The following C21orf91 variants were observed in gnomAD, a reference collection of about 807,000 sequenced individuals.
C21orf91 encodes the protein chromosome 21 open reading frame 91, also known as protein EURL homolog.
C21orf91 carries 26 observed loss-of-function variants against 32.9 expected under a neutral mutation model. The observed-to-expected ratio is 0.79, with a 90% CI of 0.58 to 1.10. C21orf91 has a LOEUF of 1.10. C21orf91 is among the 50% of genes least tolerant of loss of function. C21orf91 has a pLI of 0.00. For missense variants in C21orf91, 310 were observed against 341.3 expected (o/e 0.91, Z 0.72); for synonymous variants, 126 against 120.4 (o/e 1.05, Z -0.31).
rs532235841 is a variant in C21orf91, at chr21:17,803,611, C to T, written c.128-6493G>A. 2.6e-5 allele frequency among the ~76,000 whole-genome samples: 4 copies of T among 152,218 alleles called. No homozygotes were observed. The South Asian group carries it at 8.3e-4, about 32-fold the overall frequency. On this transcript the variant is annotated intron_variant, in intron 2 of 4. Transcript: ENST00000284881. ...AAGGTGTTTTTCTTTTTGTGATGAT[C>T]TTATCTTGGATGCTAAGAAACGGGG... is the stretch of plus-strand genomic sequence containing the variant.
intron 2 of C21orf91, among the ~76,000 whole-genome samples, chr21:17,803,077 T>C (rs76258208): frequency 3.3e-5 from 5 of 152,206 alleles, no homozygotes; most frequent in African/African-American, 1.2e-4. Flanking sequence ...ATGGGTTTGC[T>C]AAATGGTGGG....
chr21:17,794,054 G>A (rs964161629), intron 4 of C21orf91, among the ~76,000 whole-genome samples: 4 of 152,100 alleles, frequency 2.6e-5, no homozygotes, highest in Admixed American at 1.3e-4. Context: ...CCTTTTCTGT[G>A]TAACATTAAT....
At chr21:17,800,273 C>A (rs1019789675) in intron 2 of C21orf91, among the ~76,000 whole-genome samples, 2 of 152,084 alleles carry the variant, frequency 1.3e-5, no homozygotes, top group Non-Finnish European at 2.9e-5. Context: ...CAATTAGAAA[C>A]ATTTGTTTTA....
At position 17,796,578 on chromosome 21, in the gene C21orf91, T is replaced by A; in HGVS notation, c.664+4A>T. 1 of 1,593,756 alleles carries A rather than the reference T, an allele frequency of 6.3e-7. No individual in the cohort carries two copies. The highest frequency in any genetic ancestry group is 1.7e-4 in the Middle Eastern group (1 of 5,936). The stretch of plus-strand genomic sequence containing the variant: ...ACTTTTACTTTTCTCCCCATTTTAC[T>A]TACATTCCTCTCTGCTGTAATGTGG... On this transcript the variant is annotated splice_donor_region_variant and intron_variant, in intron 3 of 4. Coordinates refer to ENST00000284881, the MANE Select transcript of C21orf91 (RefSeq NM_001100420.2).
chr21:17,791,262 CAA>C lies in C21orf91; in HGVS notation c.*2151_*2152del, dbSNP rs1030396095. 2.6e-5 allele frequency: 4 copies of C among 152,036 alleles called. No individual in the cohort carries two copies. Among genetic ancestry groups the C allele is most frequent in the African/African-American group, 9.7e-5 (4 of 41,416 alleles). 9.4% of individuals were successfully genotyped at this position (152,036 alleles called of 1,614,324 possible). A position where few individuals can be genotyped will look rare whatever the true frequency, so the allele number is the denominator to read the frequency against. On this transcript the variant is annotated 3_prime_UTR_variant, in exon 5 of 5. Transcript: ENST00000284881. The stretch of plus-strand genomic sequence containing the variant: ...TAAAGTAGTGTGAGTACCAGCACCA[CAA>C]AGTTTTTTTTAAGAGCACCTCTCCT...
At chr21:17,800,987 T>G (rs541204765) in intron 2 of C21orf91, among the ~76,000 whole-genome samples, 1 of 152,256 alleles carries the variant, frequency 6.6e-6, no homozygotes, top group Non-Finnish European at 1.5e-5. Context: ...TGGAAGACAG[T>G]GTTGTGACTC....
chr21:17,796,509 C>G lies in C21orf91; in HGVS notation c.664+73G>C, dbSNP rs1433222362. 6 of 1,104,936 alleles carry G rather than the reference C, an allele frequency of 5.4e-6. No homozygotes were observed. In the Admixed American group the frequency reaches 1.1e-4, roughly 20 times the overall value. 68.4% of individuals were successfully genotyped at this position (1,104,936 alleles called of 1,614,324 possible). ...ATGATTCCACAGCAAAATTCTTGAC[C>G]CATTACACATCTATACAAATGTACA... On this transcript the variant is annotated intron_variant, in intron 3 of 4. Coordinates refer to ENST00000284881, the MANE Select transcript of C21orf91 (RefSeq NM_001100420.2).
chr21:17,808,668 A>G (rs2062613989), intron 2 of C21orf91, among the ~76,000 whole-genome samples: 1 of 152,230 alleles, frequency 6.6e-6, no homozygotes, highest in South Asian at 2.1e-4. Context: ...ATAGACAGAA[A>G]GGACTTGCTG....
At chr21:17,819,034 G>C (rs1050350156) in intron 1 of C21orf91, 2 of 152,232 alleles carry the variant, frequency 1.3e-5, no homozygotes, top group Non-Finnish European at 2.9e-5. Context: ...CTCCCAGAGG[G>C]AAGAAAGCGT....
chr21:17,811,390 A>T (rs2062631530), intron 2 of C21orf91: 1 of 152,238 alleles, frequency 6.6e-6, no homozygotes, highest in Non-Finnish European at 1.5e-5. Flanking sequence ...TTTACTGAGC[A>T]TAAGGTGGAC....
At chr21:17,814,623 A>G in intron 2 of C21orf91, among the ~76,000 whole-genome samples, 1 of 152,208 alleles carries the variant, frequency 6.6e-6, no homozygotes, top group East Asian at 1.9e-4. Context: ...CAGCACCTCA[A>G]CTGACTAGAG....
At chr21:17,816,625 C>T (rs73315657) in intron 2 of C21orf91, among the ~76,000 whole-genome samples, 4,700 of 152,266 alleles carry the variant, frequency 0.031, 215 homozygotes, top group African/African-American at 0.1. Flanking sequence ...TTTCTTAGGT[C>T]GCCAAGGTTC....
Position 17,818,323 on chromosome 21 carries a change from C to T in C21orf91, c.-5G>A, listed in dbSNP as rs1393730314. On this transcript the variant is annotated splice_region_variant and 5_prime_UTR_variant, in exon 2 of 5. Transcript: ENST00000284881. ...AAACTGCTCCTCTTCGTTCATAGTGCCCCTATTAAGAAACAGAAAAGGAAA... is the reference window on the plus strand; with the variant it reads ...AAACTGCTCCTCTTCGTTCATAGTGTCCCTATTAAGAAACAGAAAAGGAAA... The T allele has an allele frequency of 1.2e-6, 2 of 1,603,482 alleles. No individual in the cohort carries two copies. The highest frequency in any genetic ancestry group is 4.5e-5 in the East Asian group (2 of 44,468).
At chr21:17,813,763 A>G (rs2146262939) in intron 2 of C21orf91, 1 of 152,364 alleles carries the variant, frequency 6.6e-6, no homozygotes, top group South Asian at 2.1e-4. Context: ...TCCTTTGAGC[A>G]TCATGTAGGT....
intron 2 of C21orf91, among the ~76,000 whole-genome samples, chr21:17,802,860 T>A (rs2062571450): frequency 6.6e-6 from 1 of 152,240 alleles, no homozygotes; most frequent in African/African-American, 2.4e-5. Context: ...GACTATATGT[T>A]GAATTGGATT....
intron 2 of C21orf91, chr21:17,810,427 T>C (rs2062625159): frequency 6.6e-6 from 1 of 152,270 alleles, no homozygotes; most frequent in African/African-American, 2.4e-5. Flanking sequence ...GTTAGTTTAA[T>C]GCTCCTTATC....
chr21:17,810,674 T>G (rs111501849), intron 2 of C21orf91: 1 of 152,300 alleles, frequency 6.6e-6, no homozygotes, highest in African/African-American at 2.4e-5. Flanking sequence ...CTTACTTGGA[T>G]GGTGGAAGAA....
chr21:17,816,890 A>C (rs2146265372), intron 2 of C21orf91, among the ~76,000 whole-genome samples: 1 of 152,380 alleles, frequency 6.6e-6, no homozygotes, highest in East Asian at 1.9e-4. Context: ...AACAATATAC[A>C]AGCCAACTCT....
chr21:17,794,042 T>C (rs1488641281), intron 4 of C21orf91, among the ~76,000 whole-genome samples: 1 of 152,220 alleles, frequency 6.6e-6, no homozygotes, highest in Non-Finnish European at 1.5e-5. Context: ...TGGTTTCAAT[T>C]TCCTTTTCTG....
Sources: allele counts gnomAD v4.1 joint callset (sites outside exome capture counted in the v4.1 genomes callset), GRCh38; gene constraint gnomAD v4.1.1; transcripts MANE v1.5; gene names NCBI Gene and HGNC (gene_info 2026-07-23, HGNC 2026-07-21).